The following MPDZ variants were observed in gnomAD, a reference collection of about 807,000 sequenced individuals.
The protein encoded by MPDZ is multiple PDZ domain protein.
MPDZ carries 234 observed loss-of-function variants against 239.1 expected under a neutral mutation model. The ratio of observed to expected loss-of-function variants is 0.98; its 90% CI spans 0.88 to 1.09. The LOEUF is 1.09. MPDZ is among the 50% of genes least tolerant of loss of function. MPDZ has a pLI of 0.00. For synonymous variants in MPDZ, 1,048 were observed against 881.3 expected (o/e 1.19, Z -3.35); for missense variants, 3,175 against 2,510.0 (o/e 1.26, Z -5.66).
At chr9:13,247,964 T>C (rs941028556) in intron 2 of MPDZ, among the ~76,000 whole-genome samples, 163 bp from the exon 3 acceptor site, 4 of 152,204 alleles carry the variant, frequency 2.6e-5, no homozygotes, top group East Asian at 3.9e-4. Context: ...CAGTGGCTCA[T>C]GCCTGTAATC....
chr9:13,244,530 G>A (rs895524850), intron 3 of MPDZ, among the ~76,000 whole-genome samples: 6 of 152,090 alleles, frequency 3.9e-5, no homozygotes, highest in Non-Finnish European at 7.4e-5. Context: ...TTTAGCTGGC[G>A]TTAGAACAAT....
At position 13,165,431 on chromosome 9, in the gene MPDZ, C is replaced by T. The variant is rs774919691; in HGVS notation, c.3255-2636G>A. On this transcript the variant is annotated intron_variant, in intron 22 of 46. Coordinates refer to ENST00000319217, the MANE Select transcript of MPDZ (RefSeq NM_001378778.1). ...AATCTAGAATGTGAAGCATACGCCG[C>T]GGCATCTTTTTACAATGGTGTTAAC... The T allele has an allele frequency of 3.3e-5, 51 of 1,547,738 alleles. 1 individual carries two copies. The Middle Eastern group carries it at 1.0e-3, about 30-fold the overall frequency.
chr9:13,147,154 A>G (rs780102637), intron 26 of MPDZ, among the ~76,000 whole-genome samples: 4 of 152,040 alleles, frequency 2.6e-5, no homozygotes, highest in Non-Finnish European at 5.9e-5. Context: ...TGTCTAGAGA[A>G]TAAATTTCAA....
intron 36 of MPDZ, among the ~76,000 whole-genome samples, 152 bp downstream of exon 36, chr9:13,123,001 T>C (rs748397172): frequency 3.3e-5 from 5 of 152,224 alleles, no homozygotes; most frequent in South Asian, 2.1e-4. Context: ...CCGTATCCAA[T>C]TGAATATTTG....
chr9:13,134,004 A>C (rs1166979053), intron 31 of MPDZ, 100 bp from the exon 32 acceptor site: 4 of 415,584 alleles, frequency 9.6e-6, no homozygotes, highest in Non-Finnish European at 1.7e-5. Flanking sequence ...TTTATACATT[A>C]TATAAAATTA....
chr9:13,176,235 A>G lies in MPDZ; in HGVS notation c.2832T>C (p.Tyr944=). ...YTPANAIEQQ[Y]ECENTIVWTE... is the part of the protein sequence containing the mutation. ...TCCACACTATTGTGTTTTCACATTC[A>G]TATTGTTGTTCAATAGCATTTGCAG... is the stretch of plus-strand genomic sequence containing the variant. Residue 944 remains tyrosine, a synonymous_variant, in exon 20 of 47, where the codon TAT becomes TAC. Coordinates refer to ENST00000319217, the MANE Select transcript of MPDZ (RefSeq NM_001378778.1). 1.1e-5 allele frequency: 18 copies of G among 1,605,898 alleles called. No homozygotes were observed. The highest frequency in any genetic ancestry group is 2.2e-5 in the East Asian group (1 of 44,532).
intron 21 of MPDZ, among the ~76,000 whole-genome samples, chr9:13,173,839 C>A (rs1952110972): frequency 6.6e-6 from 1 of 152,146 alleles, no homozygotes; most frequent in East Asian, 1.9e-4. Flanking sequence ...AAACACAAAT[C>A]TGCTCATGTC....
chr9:13,180,823 GTAAATCTTTACATGGTA>G (rs1292165903), intron 19 of MPDZ, among the ~76,000 whole-genome samples: 1 of 151,848 alleles, frequency 6.6e-6, no homozygotes, highest in Admixed American at 6.6e-5. Context: ...GTTATTTCCC[GTAAATCTTTACATGGTA>G]ACTAATCAAA....
At chr9:13,125,535 G>A (rs960560610) in intron 34 of MPDZ, 145 bp from the exon 35 acceptor site, 2 of 708,498 alleles carry the variant, frequency 2.8e-6, no homozygotes, top group Admixed American at 6.1e-5. Context: ...TCAGGACTTG[G>A]GTAAAGAAAG....
At chr9:13,257,318 A>T (rs909482780) in intron 1 of MPDZ, among the ~76,000 whole-genome samples, 9 of 152,104 alleles carry the variant, frequency 5.9e-5, no homozygotes, top group African/African-American at 2.2e-4. Flanking sequence ...TGCCTGACAC[A>T]TTATTCCAGA....
At chr9:13,203,947 A>C (rs1363727880) in intron 12 of MPDZ, among the ~76,000 whole-genome samples, 1 of 152,128 alleles carries the variant, frequency 6.6e-6, no homozygotes, top group Non-Finnish European at 1.5e-5. Flanking sequence ...ACTTTAGCCT[A>C]AATAATTTCT....
chr9:13,178,246 G>A (rs1277638171), intron 19 of MPDZ, among the ~76,000 whole-genome samples: 4 of 132,484 alleles, frequency 3.0e-5, no homozygotes, highest in Admixed American at 8.5e-5. Context: ...GTAACAGAGC[G>A]AGACTGCATC....
At chr9:13,233,777 C>T (rs1019717733) in intron 3 of MPDZ, among the ~76,000 whole-genome samples, 4 of 152,136 alleles carry the variant, frequency 2.6e-5, no homozygotes, top group African/African-American at 9.6e-5. Flanking sequence ...AAAGCTACAC[C>T]TTGTCTATCC....
At chr9:13,214,266 C>T (rs73408215) in intron 10 of MPDZ, among the ~76,000 whole-genome samples, 7 of 152,086 alleles carry the variant, frequency 4.6e-5, no homozygotes, top group African/African-American at 1.7e-4. Context: ...CTGAAACATA[C>T]TACAATACAG....
chr9:13,150,802 AG>A, intron 24 of MPDZ, 114 bp from the exon 25 acceptor site: 1 of 605,378 alleles, frequency 1.7e-6, no homozygotes, highest in Non-Finnish European at 2.4e-6. Context: ...AGAGAACAAA[AG>A]AAAAAATAGA....
intron 10 of MPDZ, among the ~76,000 whole-genome samples, chr9:13,209,139 G>C (rs1389158536): frequency 6.6e-6 from 1 of 152,154 alleles, no homozygotes; most frequent in Admixed American, 6.6e-5. Context: ...CTCTCATTAA[G>C]TGAGGCAATC....
intron 16 of MPDZ, among the ~76,000 whole-genome samples, chr9:13,189,797 T>A (rs1455014466): frequency 6.6e-6 from 1 of 152,180 alleles, no homozygotes; most frequent in African/African-American, 2.4e-5. Context: ...CTTTATGACT[T>A]ACCACTAAAA....
chr9:13,268,535 A>G (rs1488655466), intron 1 of MPDZ, among the ~76,000 whole-genome samples: 1 of 152,166 alleles, frequency 6.6e-6, no homozygotes, highest in Non-Finnish European at 1.5e-5. Context: ...TTAGTGGAAA[A>G]CGGTAAGTAA....
chr9:13,194,913 C>T (rs1269196526), intron 13 of MPDZ, among the ~76,000 whole-genome samples: 1 of 151,794 alleles, frequency 6.6e-6, no homozygotes, highest in East Asian at 1.9e-4. Flanking sequence ...TCTATTTTTC[C>T]TTAGGTCAAT....
Sources: gnomAD v4.1 joint callset for allele counts (sites outside exome capture counted in the v4.1 genomes callset) on GRCh38, gnomAD v4.1.1 for gene constraint, MANE v1.5 for transcripts, NCBI Gene and HGNC (gene_info 2026-07-23, HGNC 2026-07-21) for gene names.